The following CSMD1 variants were observed in gnomAD, a reference collection of about 807,000 sequenced individuals.
The protein encoded by CSMD1 is CUB and Sushi multiple domains 1, also known as CUB and sushi domain-containing protein 1.
A neutral mutation model predicts 417.5 loss-of-function variants in CSMD1; 213 were observed. The observed-to-expected ratio is 0.51, with a 90% CI of 0.46 to 0.57. CSMD1 has a LOEUF of 0.57. Among genes scored for constraint, CSMD1 ranks in the 20% least tolerant of loss-of-function variants. The pLI is 0.00. For synonymous variants in CSMD1, 2,862 were observed against 1,736.8 expected, an observed-to-expected ratio of 1.65 and a Z score of -16.11; for missense variants, 6,923 against 4,529.7, an observed-to-expected ratio of 1.53 and a Z score of -15.17.
intron 7 of CSMD1, among the ~76,000 whole-genome samples, chr8:3,647,497 G>C (rs752032844): frequency 7.9e-5 from 12 of 152,158 alleles, no homozygotes; most frequent in African/African-American, 2.9e-4. Flanking sequence ...ATAGCACAGA[G>C]AGAAGTATAT....
chr8:4,311,676 T>C (rs1221164974), intron 3 of CSMD1, among the ~76,000 whole-genome samples: 7 of 146,162 alleles, frequency 4.8e-5, no homozygotes, highest in Non-Finnish European at 5.9e-5. Flanking sequence ...TGAGCCGAGA[T>C]TGTGCCACAG....
chr8:3,856,525 T>C (rs1375623005), intron 5 of CSMD1, among the ~76,000 whole-genome samples: 1 of 152,168 alleles, frequency 6.6e-6, no homozygotes, highest in East Asian at 1.9e-4. Context: ...GGAAATCACG[T>C]AATAAATGCA....
intron 7 of CSMD1, among the ~76,000 whole-genome samples, chr8:3,682,594 G>T (rs1315793536): frequency 1.3e-5 from 2 of 152,120 alleles, no homozygotes; most frequent in African/African-American, 2.4e-5. Flanking sequence ...ACTGTTGGTG[G>T]GACTGTAAAC....
chr8:4,768,231 C>T (rs989645738), intron 1 of CSMD1, among the ~76,000 whole-genome samples: 8 of 152,080 alleles, frequency 5.3e-5, no homozygotes, highest in African/African-American at 1.9e-4. Context: ...CCCATGAGTG[C>T]TGCTCTGTGG....
chr8:4,278,480 A>T (rs1796607042), intron 3 of CSMD1, among the ~76,000 whole-genome samples: 1 of 152,254 alleles, frequency 6.6e-6, no homozygotes, highest in Non-Finnish European at 1.5e-5. Context: ...TGAAAGCAGC[A>T]TTTTAATATT....
intron 39 of CSMD1, among the ~76,000 whole-genome samples, chr8:3,155,315 G>C (rs377085173): frequency 8.3e-6 from 1 of 120,820 alleles, no homozygotes; most frequent in African/African-American, 3.0e-5. Flanking sequence ...TAATTGTTTC[G>C]TTTTTTAAAT....
chr8:3,453,818 T>A (rs949001355), intron 12 of CSMD1, among the ~76,000 whole-genome samples: 3 of 152,202 alleles, frequency 2.0e-5, no homozygotes, highest in Non-Finnish European at 4.4e-5. Context: ...TCTGTAGATG[T>A]CTATTAGATC....
rs193034716 is a variant in CSMD1 at position 4,416,621 on chromosome 8, C to A, written c.415+3332G>T. 5.9e-5 allele frequency among the ~76,000 whole-genome samples: 9 copies of A among 151,960 alleles called. No homozygotes were observed. In the East Asian group the frequency reaches 1.7e-3, roughly 29 times the overall value. ...AAATAGAAGAATTCCTTTTTAAAAT[C>A]TAAAGAGAAAAATATATAAAGTACA... is the stretch of plus-strand genomic sequence containing the variant. On this transcript the variant is annotated intron_variant, in intron 3 of 69. Coordinates refer to ENST00000635120, the MANE Select transcript of CSMD1 (RefSeq NM_033225.6).
intron 7 of CSMD1, among the ~76,000 whole-genome samples, chr8:3,625,571 T>C (rs746548174): frequency 3.9e-5 from 6 of 152,210 alleles, no homozygotes; most frequent in Non-Finnish European, 7.4e-5. Flanking sequence ...AATCAAGCTC[T>C]CTTTTAGTTT....
intron 20 of CSMD1, among the ~76,000 whole-genome samples, chr8:3,364,879 G>A (rs1173901704): frequency 3.9e-5 from 6 of 152,180 alleles, no homozygotes; most frequent in Admixed American, 3.9e-4. Context: ...TAAGACAGTA[G>A]TCGTCAAAAG....
intron 25 of CSMD1, among the ~76,000 whole-genome samples, chr8:3,302,892 T>G (rs775335878): frequency 6.6e-6 from 1 of 152,002 alleles, no homozygotes; most frequent in East Asian, 1.9e-4. Context: ...GCAAAGTGAG[T>G]GGGGTTGCAG....
At chr8:3,916,763 G>A (rs747147797) in intron 5 of CSMD1, among the ~76,000 whole-genome samples, 6 of 152,050 alleles carry the variant, frequency 3.9e-5, no homozygotes, top group Admixed American at 3.9e-4. Context: ...ACTAGAGAGA[G>A]AAAAAATAAT....
chr8:4,305,574 G>T (rs1174023166), intron 3 of CSMD1, among the ~76,000 whole-genome samples: 1 of 152,120 alleles, frequency 6.6e-6, no homozygotes, highest in African/African-American at 2.4e-5. Flanking sequence ...AGGAAAGAAT[G>T]AAAAAGAGTA....
Position 4,476,969 on chromosome 8 carries a change from G to C in CSMD1, c.303-56904C>G, listed in dbSNP as rs188105185. Among the ~76,000 whole-genome samples, 296 of 152,350 alleles carry C rather than the reference G, an allele frequency of 1.9e-3. 2 individuals are homozygous for C. Among genetic ancestry groups the C allele is most frequent in the African/African-American group, 6.3e-3 (264 of 41,578 alleles). On this transcript the variant is annotated intron_variant, in intron 2 of 69. Coordinates refer to ENST00000635120, the MANE Select transcript of CSMD1 (RefSeq NM_033225.6). ...GGTAAAGAAAAGCATGAGGTGTGCT[G>C]CTGAATGCCAATTGCTGGCTGCCTA...
chr8:4,240,845 G>A (rs1164051510), intron 3 of CSMD1, among the ~76,000 whole-genome samples: 3 of 152,114 alleles, frequency 2.0e-5, no homozygotes, highest in South Asian at 2.1e-4. Flanking sequence ...GGCGTAGCAT[G>A]GGGTAGCATT....
intron 7 of CSMD1, among the ~76,000 whole-genome samples, chr8:3,681,863 A>G (rs1328007109): frequency 6.6e-6 from 1 of 152,186 alleles, no homozygotes; most frequent in African/African-American, 2.4e-5. Context: ...ATGGAACAGA[A>G]CAGAGCCCTC....
At chr8:3,735,655 G>A (rs7840994) in intron 6 of CSMD1, among the ~76,000 whole-genome samples, 1 of 152,112 alleles carries the variant, frequency 6.6e-6, no homozygotes, top group African/African-American at 2.4e-5. Flanking sequence ...GGTTCACTCG[G>A]CTGAGAAATG....
At chr8:2,998,554 C>T (rs1236253780) in intron 53 of CSMD1, among the ~76,000 whole-genome samples, 1 of 152,176 alleles carries the variant, frequency 6.6e-6, no homozygotes, top group Non-Finnish European at 1.5e-5. Flanking sequence ...ACATTTTCTC[C>T]ATACACACCA....
chr8:2,969,828 T>G (rs958111853), intron 57 of CSMD1, among the ~76,000 whole-genome samples: 1 of 152,226 alleles, frequency 6.6e-6, no homozygotes, highest in South Asian at 2.1e-4. Flanking sequence ...GTTCAGTCAC[T>G]GATTTTATGA....
Sources: gnomAD v4.1 joint callset for allele counts (sites outside exome capture counted in the v4.1 genomes callset) on GRCh38, gnomAD v4.1.1 for gene constraint, MANE v1.5 for transcripts, NCBI Gene and HGNC (gene_info 2026-07-23, HGNC 2026-07-21) for gene names.